Variants in ZNF469 observed in about 807,000 individuals in gnomAD.
ZNF469 encodes zinc finger protein 469.
ZNF469 carries 1 observed loss-of-function variant against 1.0 expected under a neutral mutation model. The observed-to-expected ratio is 1.00, with a 90% CI of 0.35 to 4.73. The LOEUF is 4.73. ZNF469 is among the 30% of genes most tolerant of loss of function. ZNF469 has a pLI of 0.16. For missense variants in ZNF469, 6,100 were observed against 5,356.3 expected, an observed-to-expected ratio of 1.14 and a Z score of -4.33; for synonymous variants, 2,703 against 2,363.4, an observed-to-expected ratio of 1.14 and a Z score of -4.17.
rs886052420 is a variant in ZNF469 at position 88,439,006 on chromosome 16, C to T, written c.11536C>T (p.Arg3846Trp). The T allele has an allele frequency of 1.1e-5, 17 of 1,550,420 alleles. No individual in the cohort carries two copies. Among genetic ancestry groups the T allele is most frequent in the East Asian group, 7.3e-5 (3 of 40,898 alleles). The change falls in exon 3 of 3, where the codon CGG (arginine) becomes TGG (tryptophan). Residue 3846 changes from arginine (R) to tryptophan (W), a missense_variant. Physicochemically the swap from Arg to Trp is moderately radical, Grantham distance 101 (BLOSUM62 -3). Transcript: ENST00000565624. ...RAPSAPDKPP[R>W]TPRKQATPSR... is the part of the protein sequence containing the mutation. ...CCCCTCAGCCCCTGACAAGCCCCCC[C>T]GGACCCCTCGGAAGCAGGCAACTCC...
chr16:88,418,411 C>T (rs1035273235), intron 1 of ZNF469, among the ~76,000 whole-genome samples: 5 of 152,172 alleles, frequency 3.3e-5, no homozygotes, highest in African/African-American at 1.2e-4. Flanking sequence ...GTAATGACCC[C>T]CTGAATATTG....
At chr16:88,279,464 G>A in the ZNF469 span, among the ~76,000 whole-genome samples, 10 of 143,962 alleles carry the variant, frequency 6.9e-5, no homozygotes, top group East Asian at 2.2e-4. Flanking sequence ...GCTGTGTCAC[G>A]CCGACGCTCG....
chr16:88,176,878 C>T, the ZNF469 span, among the ~76,000 whole-genome samples: 2 of 152,206 alleles, frequency 1.3e-5, no homozygotes, highest in Non-Finnish European at 2.9e-5. Flanking sequence ...GGAACACGTA[C>T]GGGATCGTAA....
the ZNF469 span, among the ~76,000 whole-genome samples, chr16:88,331,354 C>G: frequency 7.3e-5 from 11 of 151,252 alleles, no homozygotes; most frequent in African/African-American, 2.7e-4. Flanking sequence ...CTCCTCACCA[C>G]CATCATCACC....
chr16:88,404,716 T>A (rs1904978997), intron 1 of ZNF469, among the ~76,000 whole-genome samples: 1 of 143,176 alleles, frequency 7.0e-6, no homozygotes, highest in Non-Finnish European at 1.5e-5. Context: ...CCCAGAGGGG[T>A]GAGTGTGAGT....
In ZNF469 at chr16:88,431,153, C is replaced by G; in HGVS notation, c.3683C>G (p.Pro1228Arg). The change falls in exon 3 of 3, where the codon CCT (proline) becomes CGT (arginine). Residue 1228 changes from proline (P) to arginine (R), a missense_variant. Physicochemically the swap from Pro to Arg is moderately radical, Grantham distance 103. Transcript: ENST00000565624. ...GACTTTCCCCAGGAGGCCAAGGAGC[C>G]TGAAACTGCCGAAGAGTCAGCCCCG... ...SLDFPQEAKE[P>R]ETAEESAPDS... 2 of 1,550,350 alleles carry G rather than the reference C, an allele frequency of 1.3e-6. No individual in the cohort carries two copies. Among genetic ancestry groups the G allele is most frequent in the Non-Finnish European group, 1.7e-6 (2 of 1,146,964 alleles).
At chr16:88,149,462 A>C in the ZNF469 span, among the ~76,000 whole-genome samples, 2 of 152,230 alleles carry the variant, frequency 1.3e-5, no homozygotes, top group Admixed American at 6.5e-5. Context: ...GTCTCTGTGC[A>C]ACCGCAGCCT....
the ZNF469 span, among the ~76,000 whole-genome samples, chr16:88,222,764 A>AC: frequency 6.6e-6 from 1 of 151,674 alleles, no homozygotes; most frequent in African/African-American, 2.4e-5. Flanking sequence ...TCCCGAAAAA[A>AC]AAAAACAAAA....
the ZNF469 span, among the ~76,000 whole-genome samples, chr16:88,210,893 G>A: frequency 2.0e-5 from 3 of 152,176 alleles, no homozygotes; most frequent in Non-Finnish European, 2.9e-5. Context: ...CTGTGCTAAC[G>A]TGTTTATTTT....
At chr16:88,413,496 G>A (rs553341146) in intron 1 of ZNF469, among the ~76,000 whole-genome samples, 1 of 152,354 alleles carries the variant, frequency 6.6e-6, no homozygotes, top group African/African-American at 2.4e-5. Flanking sequence ...GGGAGCCCTG[G>A]GCTCTGTGGC....
chr16:88,435,117 C>A lies in ZNF469; in HGVS notation c.7647C>A (p.Val2549=). 1 of 1,550,404 alleles carries A rather than the reference C, an allele frequency of 6.4e-7. No individual in the cohort carries two copies. The highest frequency in any genetic ancestry group is 1.4e-5 in the African/African-American group (1 of 73,188). ...PNHSRGDPSH[V]TQPPPAQGSK... ...ACTCACGGGGAGACCCCAGCCACGT[C>A]ACCCAGCCACCGCCTGCCCAGGGCT... Residue 2549 remains valine (V), a synonymous_variant, in exon 3 of 3, where the codon GTC becomes GTA. Transcript: ENST00000565624.
At chr16:88,287,202 C>G in the ZNF469 span, among the ~76,000 whole-genome samples, 2 of 152,228 alleles carry the variant, frequency 1.3e-5, no homozygotes, top group East Asian at 3.8e-4. Flanking sequence ...GCCATTCATC[C>G]TCACTGCTGT....
At chr16:88,134,016 A>AC in the ZNF469 span, among the ~76,000 whole-genome samples, 6 of 150,762 alleles carry the variant, frequency 4.0e-5, no homozygotes, top group East Asian at 1.9e-4. Context: ...AATCAATAGA[A>AC]CCCCCCCGGA....
At chr16:88,157,703 C>A in the ZNF469 span, among the ~76,000 whole-genome samples, 18 of 152,326 alleles carry the variant, frequency 1.2e-4, no homozygotes, top group South Asian at 3.7e-3. Flanking sequence ...CCCAGCTCCC[C>A]GCTCCTGGTG....
At chr16:88,368,627 G>T in the ZNF469 span, among the ~76,000 whole-genome samples, 1 of 151,636 alleles carries the variant, frequency 6.6e-6, no homozygotes, top group Admixed American at 6.6e-5. Flanking sequence ...GGCCTGAGAG[G>T]GTGTGGCTGG....
chr16:88,285,528 C>T, the ZNF469 span, among the ~76,000 whole-genome samples: 13 of 152,382 alleles, frequency 8.5e-5, no homozygotes, highest in South Asian at 8.3e-4. Flanking sequence ...AGCCTGGTCA[C>T]GAGGTGAGGC....
the ZNF469 span, among the ~76,000 whole-genome samples, chr16:88,158,005 C>T: frequency 6.6e-6 from 1 of 152,092 alleles, no homozygotes; most frequent in Non-Finnish European, 1.5e-5. Context: ...AGACCAAGGC[C>T]ACCTGGGCCG....
the ZNF469 span, among the ~76,000 whole-genome samples, chr16:88,257,166 G>A: frequency 7.5e-6 from 1 of 132,604 alleles, no homozygotes; most frequent in East Asian, 2.2e-4. Context: ...GTTTTGCCAT[G>A]TTGGCCAGGC....
the ZNF469 span, among the ~76,000 whole-genome samples, chr16:88,135,748 G>GTTTTTTTTTTTTTT: frequency 3.0e-5 from 2 of 66,932 alleles, no homozygotes; most frequent in Admixed American, 1.9e-4. Context: ...AGCTGGCCAT[G>GTTTTTTTTTTTTTT]TTTTTTTTTT....
Sources: gnomAD v4.1 joint callset for allele counts (sites outside exome capture counted in the v4.1 genomes callset) on GRCh38, gnomAD v4.1.1 for gene constraint, MANE v1.5 for transcripts, NCBI Gene and HGNC (gene_info 2026-07-23, HGNC 2026-07-21) for gene names.